Variants in LGSN observed in about 807,000 individuals in gnomAD.
LGSN encodes the protein lengsin.
A neutral mutation model predicts 19.5 loss-of-function variants in LGSN; 21 were observed. The ratio of observed to expected loss-of-function variants is 1.07; its 90% CI spans 0.76 to 1.55. The LOEUF is 1.55. LGSN is among the 40% of genes most tolerant of loss of function. The probability of loss-of-function intolerance (pLI) is 0.00; values close to 1 mark genes in which losing one functional copy is unlikely to be tolerated. For missense variants in LGSN, 673 were observed against 608.5 expected (o/e 1.11, Z -1.12); for synonymous variants, 257 against 215.6 (o/e 1.19, Z -1.68).
the LGSN span, among the ~76,000 whole-genome samples, chr6:63,372,691 C>T: frequency 6.6e-6 from 1 of 152,030 alleles, no homozygotes; most frequent in African/African-American, 2.4e-5. Flanking sequence ...AGGACTATAT[C>T]AGCAAAGTCC....
the LGSN span, among the ~76,000 whole-genome samples, chr6:63,474,221 C>T: frequency 1.3e-5 from 2 of 152,228 alleles, no homozygotes; most frequent in African/African-American, 4.8e-5. Context: ...CTCTAACATG[C>T]AAACCAAGTA....
the LGSN span, among the ~76,000 whole-genome samples, chr6:63,497,349 G>A: frequency 6.6e-6 from 1 of 152,014 alleles, no homozygotes; most frequent in South Asian, 2.1e-4. Context: ...AGGAGTTCGA[G>A]ACCAGCCTGA....
chr6:63,465,550 G>A, the LGSN span, among the ~76,000 whole-genome samples: 5 of 152,112 alleles, frequency 3.3e-5, no homozygotes, highest in Admixed American at 3.3e-4. Flanking sequence ...CATGGTGAGA[G>A]TATTTTCTAC....
At chr6:63,460,693 A>G in the LGSN span, among the ~76,000 whole-genome samples, 1 of 152,290 alleles carries the variant, frequency 6.6e-6, no homozygotes, top group African/African-American at 2.4e-5. Context: ...AGCCCAGGGG[A>G]AAAAATAATA....
At chr6:63,293,802 A>C (rs1216453271) in intron 2 of LGSN, 1 of 456,396 alleles carries the variant, frequency 2.2e-6, no homozygotes, top group Non-Finnish European at 4.4e-6. Context: ...AGGTCCCATG[A>C]TAGGTTTGCT....
the LGSN span, among the ~76,000 whole-genome samples, chr6:63,506,369 T>C: frequency 6.6e-6 from 1 of 151,952 alleles, no homozygotes; most frequent in Non-Finnish European, 1.5e-5. Context: ...GTTCAAGTGA[T>C]TCTCCTGCCT....
the LGSN span, among the ~76,000 whole-genome samples, chr6:63,538,892 T>C: frequency 6.6e-6 from 1 of 152,098 alleles, no homozygotes; most frequent in Non-Finnish European, 1.5e-5. Flanking sequence ...TATTTATTTA[T>C]TTATTTATTT....
At chr6:63,445,613 G>C in the LGSN span, among the ~76,000 whole-genome samples, 1 of 151,594 alleles carries the variant, frequency 6.6e-6, no homozygotes, top group African/African-American at 2.4e-5. Context: ...ACAAGACCCT[G>C]TCTCAAAAAA....
At chr6:63,552,149 A>G in the LGSN span, among the ~76,000 whole-genome samples, 1 of 152,330 alleles carries the variant, frequency 6.6e-6, no homozygotes, top group East Asian at 1.9e-4. Context: ...ACTAGTTTAC[A>G]GTCCCACCAA....
the LGSN span, among the ~76,000 whole-genome samples, chr6:63,518,432 C>T: frequency 6.6e-6 from 1 of 152,062 alleles, no homozygotes; most frequent in African/African-American, 2.4e-5. Context: ...TTTGGACATC[C>T]CCAGGGCAAA....
chr6:63,458,048 A>ATTTATT, the LGSN span, among the ~76,000 whole-genome samples: 68,584 of 149,574 alleles, frequency 0.46, 17,557 homozygotes, highest in Non-Finnish European at 0.56. Context: ...TTATAATTTC[A>ATTTATT]TTTATTTTTA....
At chr6:63,345,215 T>C in the LGSN span, among the ~76,000 whole-genome samples, 6 of 152,320 alleles carry the variant, frequency 3.9e-5, no homozygotes, top group East Asian at 1.2e-3. Flanking sequence ...ATATATGTTT[T>C]GGGTTGGGTA....
At chr6:63,556,796 C>A in the LGSN span, among the ~76,000 whole-genome samples, 1 of 152,080 alleles carries the variant, frequency 6.6e-6, no homozygotes, top group Admixed American at 6.6e-5. Context: ...AGTTGTTAAT[C>A]GACTTTTACA....
At chr6:63,379,857 G>A in the LGSN span, among the ~76,000 whole-genome samples, 119 of 150,524 alleles carry the variant, frequency 7.9e-4, no homozygotes, top group Non-Finnish European at 1.6e-3. Context: ...TTTTTTTTGC[G>A]ATGGAGTCTT....
the LGSN span, chr6:63,572,539 C>G: frequency 2.3e-5 from 9 of 395,666 alleles, no homozygotes; most frequent in Middle Eastern, 6.4e-4. Flanking sequence ...CGCTCTGCTC[C>G]GAGCCGCTCA....
chr6:63,379,631 CCAGTGGTCAATAACT>C, the LGSN span, among the ~76,000 whole-genome samples: 1 of 152,108 alleles, frequency 6.6e-6, no homozygotes, highest in Non-Finnish European at 1.5e-5. Flanking sequence ...TCCTCTTGCT[CCAGTGGTCAATAACT>C]CAGTGATTAG....
intron 1 of LGSN, among the ~76,000 whole-genome samples, chr6:63,319,620 AT>A (rs3837049): frequency 0.076 from 11,612 of 152,192 alleles, 521 homozygotes; most frequent in African/African-American, 0.13. Context: ...ATAGAAATAA[AT>A]TTTTTTATAG....
At chr6:63,331,678 G>C in the LGSN span, among the ~76,000 whole-genome samples, 446 of 152,274 alleles carry the variant, frequency 2.9e-3, 2 homozygotes, top group African/African-American at 0.01. Flanking sequence ...CCTGGACCCT[G>C]CTGATCGGAA....
chr6:63,313,896 A>G (rs965403940), intron 1 of LGSN, among the ~76,000 whole-genome samples: 11 of 152,026 alleles, frequency 7.2e-5, no homozygotes, highest in African/African-American at 2.7e-4. Context: ...ACATACATGC[A>G]TACATACATA....
Sources: gnomAD v4.1 joint callset for allele counts (sites outside exome capture counted in the v4.1 genomes callset) on GRCh38, gnomAD v4.1.1 for gene constraint, MANE v1.5 for transcripts, NCBI Gene and HGNC (gene_info 2026-07-23, HGNC 2026-07-21) for gene names.